The following COL18A1 variants were observed in gnomAD, a reference collection of about 807,000 sequenced individuals.
COL18A1 encodes the protein collagen type XVIII alpha 1 chain.
In COL18A1, 133 loss-of-function variants were observed where a neutral mutation model predicts 168.0. That is an observed-to-expected ratio of 0.79 (90% CI 0.69 to 0.91). The LOEUF (loss-of-function observed/expected upper bound fraction) is 0.91, where lower values mean the gene tolerates loss of function less well. COL18A1 is among the 40% of genes least tolerant of loss of function. COL18A1 has a pLI of 0.00. For synonymous variants in COL18A1, 949 were observed against 809.0 expected (o/e 1.17, Z -2.94); for missense variants, 2,126 against 1,925.4 (o/e 1.10, Z -1.95).
Position 45,456,250 on chromosome 21 carries a change from A to T in COL18A1, c.107-11992A>T, listed in dbSNP as rs537362206. The T allele has an allele frequency of 2.1e-5, 33 of 1,572,548 alleles. No individual in the cohort carries two copies. The South Asian group carries it at 3.8e-4, about 18-fold the overall frequency. ...GCCTGCAGGACCCAGACAGCCAAGG[A>T]CTCTCGCCCGCCGCAGCCGCTCCCA... On this transcript the variant is annotated intron_variant, in intron 2 of 41. Coordinates refer to ENST00000651438, the MANE Select transcript of COL18A1 (RefSeq NM_001379500.1).
chr21:45,446,571 A>G (rs1189199246), intron 2 of COL18A1, among the ~76,000 whole-genome samples: 3 of 152,252 alleles, frequency 2.0e-5, no homozygotes, highest in African/African-American at 7.2e-5. Context: ...AATTCTACCA[A>G]GCATTTAAAG....
intron 32 of COL18A1, chr21:45,502,530 C>T (rs538291868): frequency 3.3e-5 from 5 of 152,224 alleles, no homozygotes; most frequent in South Asian, 2.1e-4. Context: ...AGAGAAATTG[C>T]GTATGTTTTA....
chr21:45,494,264 C>A, intron 26 of COL18A1: 1 of 517,574 alleles, frequency 1.9e-6, no homozygotes. Context: ...CTCCACCCTC[C>A]ACCCCTGCTT....
chr21:45,430,494 T>C (rs554448820), intron 2 of COL18A1, among the ~76,000 whole-genome samples: 12 of 152,146 alleles, frequency 7.9e-5, no homozygotes, highest in African/African-American at 2.7e-4. Flanking sequence ...GATCCTGGGC[T>C]TCTGCTCCAG....
chr21:45,479,889 T>C lies in COL18A1; in HGVS notation c.1249-13T>C. 1.2e-6 allele frequency: 2 copies of C among 1,613,140 alleles called. No homozygotes were observed. The highest frequency in any genetic ancestry group is 1.7e-6 in the Non-Finnish European group (2 of 1,179,824). ...TGCCTTCCCTGACCGGGCCCCCGGA[T>C]GTTGTGTTCCAGGGCGACACCGGGC... On this transcript the variant is annotated splice_polypyrimidine_tract_variant and intron_variant, in intron 9 of 41. Coordinates refer to ENST00000651438, the MANE Select transcript of COL18A1 (RefSeq NM_001379500.1).
chr21:45,505,226 C>T lies in COL18A1; in HGVS notation c.2961C>T (p.Pro987=), dbSNP rs369702868. ...GCTACGAGGGGCGCCAGGGCCCTCC[C>T]GGCCCCCCAGGCCCCCCAGGGCCCC... ...GIGYEGRQGP[P]GPPGPPGPPS... Residue 987 remains proline (P), a synonymous_variant, in exon 35 of 42, where the codon CCC becomes CCT. Coordinates refer to ENST00000651438, the MANE Select transcript of COL18A1 (RefSeq NM_001379500.1). 6.7e-4 allele frequency: 1,065 copies of T among 1,579,476 alleles called. 6 individuals are homozygous for T. In the African/African-American group the frequency reaches 0.011, roughly 16 times the overall value.
In COL18A1 at chr21:45,504,416, G is replaced by A. The variant is rs767090801; in HGVS notation, c.2728G>A (p.Gly910Arg). The change falls in exon 34 of 42, where the codon GGG (glycine) becomes AGG (arginine). Residue 910 changes from glycine to arginine, a missense_variant and splice_region_variant. Physicochemically the swap from Gly to Arg is moderately radical, Grantham distance 125. Coordinates refer to ENST00000651438, the MANE Select transcript of COL18A1 (RefSeq NM_001379500.1). ...GTGTAACAAGTGTTTCCGTCCACAG[G>A]GGGAGAAGGGAGACCGAGGTGATGC... is the stretch of plus-strand genomic sequence containing the variant. ...DFLQLEAEMK[G>R]EKGDRGDAGQ... 1.4e-5 allele frequency: 22 copies of A among 1,611,328 alleles called. No homozygotes were observed. The East Asian group carries it at 3.6e-4, about 26-fold the overall frequency.
intron 32 of COL18A1, among the ~76,000 whole-genome samples, chr21:45,503,680 A>C (rs2036996528): frequency 6.6e-6 from 1 of 151,066 alleles, no homozygotes; most frequent in Non-Finnish European, 1.5e-5. Flanking sequence ...AGATATACCT[A>C]ATGCTAGATG....
At chr21:45,479,508 C>G (rs562790206) in intron 9 of COL18A1, among the ~76,000 whole-genome samples, 2 of 152,070 alleles carry the variant, frequency 1.3e-5, no homozygotes, top group Non-Finnish European at 2.9e-5. Context: ...ATGTGCACAC[C>G]ATGGATTATG....
chr21:45,419,747 C>T (rs971644751), intron 2 of COL18A1: 1 of 152,194 alleles, frequency 6.6e-6, no homozygotes, highest in Non-Finnish European at 1.5e-5. Context: ...TTTAAAATTA[C>T]TGAAGTCCAA....
intron 39 of COL18A1, 53 bp from the exon 40 acceptor site, chr21:45,510,011 G>A: frequency 6.6e-7 from 1 of 1,526,420 alleles, no homozygotes; most frequent in Non-Finnish European, 8.8e-7. Context: ...CCCGGGGCCT[G>A]GGTGCAGGGG....
rs548965015 is a variant in COL18A1 at position 45,511,681 on chromosome 21, G to A, written c.3809+455G>A. On this transcript the variant is annotated intron_variant, in intron 41 of 41. Coordinates refer to ENST00000651438, the MANE Select transcript of COL18A1 (RefSeq NM_001379500.1). ...GTCGCTGTGCCCTCCCCACGTGAGC[G>A]CCGCGATTCTTCCAACACTCATGCA... Among the ~76,000 whole-genome samples, 41 of 152,254 alleles carry A rather than the reference G, an allele frequency of 2.7e-4. No homozygotes were observed. In the East Asian group the frequency reaches 5.0e-3, roughly 19 times the overall value.
chr21:45,496,956 G>T, intron 30 of COL18A1, 94 bp from the exon 31 acceptor site: 1 of 826,106 alleles, frequency 1.2e-6, no homozygotes, highest in Non-Finnish European at 2.1e-6. Context: ...CCTCATACAG[G>T]GGCTGGTGCT....
At chr21:45,408,576 A>G (rs1268081705) in intron 2 of COL18A1, 2 of 152,268 alleles carry the variant, frequency 1.3e-5, no homozygotes, top group Non-Finnish European at 2.9e-5. Flanking sequence ...GGGAACAGAC[A>G]GTAGGGGCTG....
chr21:45,427,409 C>T (rs1207168269), intron 2 of COL18A1, among the ~76,000 whole-genome samples: 1 of 152,198 alleles, frequency 6.6e-6, no homozygotes, highest in Non-Finnish European at 1.5e-5. Flanking sequence ...TTCTGGCTCC[C>T]CTGGCCCACC....
At position 45,463,684 on chromosome 21, in the gene COL18A1, G is replaced by T. The variant is rs1468755754; in HGVS notation, c.107-4558G>T. 6.6e-6 allele frequency among the ~76,000 whole-genome samples: 1 copy of T among 152,162 alleles called. No homozygotes were observed. Among genetic ancestry groups the T allele is most frequent in the Non-Finnish European group, 1.5e-5 (1 of 68,028 alleles). ...ATGCCGAGGCATGCGGATCGCCTGA[G>T]GTCGGGAGTTGGAGACCAGCCTGAC... On this transcript the variant is annotated intron_variant, in intron 2 of 41. Transcript: ENST00000651438. This position sits in a 1 kb window ranked among gnomAD's most constrained non-coding sequence, Gnocchi z 4.0.
In COL18A1 at chr21:45,477,788, G is replaced by A. The variant is rs886057122; in HGVS notation, c.1044G>A (p.Pro348=). 49 of 1,547,486 alleles carry A rather than the reference G, an allele frequency of 3.2e-5. No individual in the cohort carries two copies. The highest frequency in any genetic ancestry group is 1.7e-4 in the Middle Eastern group (1 of 5,954). Residue 348 remains proline, a synonymous_variant, in exon 8 of 42, where the codon CCG becomes CCA. Transcript: ENST00000651438. ...LKGQKGEPGV[P]GPPGRAGPPG... is the part of the protein sequence containing the mutation. ...GGCAGAAAGGGGAGCCAGGTGTTCC[G>A]GGCCCACCTGGCCGGGCAGGCCCCC...
At position 45,468,790 on chromosome 21, in the gene COL18A1, A is replaced by G; in HGVS notation, c.651+4A>G. On this transcript the variant is annotated splice_donor_region_variant and intron_variant, in intron 3 of 41. Transcript: ENST00000651438. ...AGCGGACCCTGACAAGTTCCAGGTAACCCCCACTGTGCCGTCGCTGGGGGA... is the reference window on the plus strand; with the variant it reads ...AGCGGACCCTGACAAGTTCCAGGTAGCCCCCACTGTGCCGTCGCTGGGGGA... 2 of 1,370,636 alleles carry G rather than the reference A, an allele frequency of 1.5e-6. No homozygotes were observed. Among genetic ancestry groups the G allele is most frequent in the Non-Finnish European group, 1.9e-6 (2 of 1,031,538 alleles). The allele number at this position is 1,370,636 out of a possible 1,614,324, so 84.9% of individuals were successfully genotyped here.
chr21:45,482,499 G>T (rs1315208225), intron 14 of COL18A1: 3 of 589,410 alleles, frequency 5.1e-6, no homozygotes, highest in African/African-American at 1.9e-5. Flanking sequence ...ACTGCTCTAA[G>T]CCTGTGGCTG....
Sources: gnomAD v4.1 joint callset for allele counts (sites outside exome capture counted in the v4.1 genomes callset) on GRCh38, gnomAD v4.1.1 for gene constraint, Gnocchi (gnomAD v3.1) non-coding constraint, MANE v1.5 for transcripts, NCBI Gene and HGNC (gene_info 2026-07-23, HGNC 2026-07-21) for gene names.